TACR3: variants seen among roughly 807,000 people sequenced by gnomAD.
TACR3 encodes the protein neuromedin-K receptor.
TACR3 carries 34 observed loss-of-function variants against 35.0 expected under a neutral mutation model. The ratio of observed to expected loss-of-function variants is 0.97; its 90% CI spans 0.74 to 1.30. TACR3 has a LOEUF of 1.30. Ranked by LOEUF, TACR3 falls within the 50% of genes most tolerant of loss-of-function variation. The probability of loss-of-function intolerance (pLI) is 0.00; values close to 1 mark genes in which losing one functional copy is unlikely to be tolerated. For synonymous variants in TACR3, 233 were observed against 221.1 expected, an observed-to-expected ratio of 1.05 and a Z score of -0.48; for missense variants, 558 against 591.7, an observed-to-expected ratio of 0.94 and a Z score of 0.59.
At position 103,698,382 on chromosome 4, in the gene TACR3, C is replaced by T. The variant is rs183783708; in HGVS notation, c.548+20746G>A. ...CATCTTTTGTTTGATTTCTTCAAAA[C>T]TTTTATTTATGCTCATTTGAAAAGT... On this transcript the variant is annotated intron_variant, in intron 1 of 4. Coordinates refer to ENST00000304883, the MANE Select transcript of TACR3 (RefSeq NM_001059.3). 6.7e-5 allele frequency among the ~76,000 whole-genome samples: 10 copies of T among 150,248 alleles called. No homozygotes were observed. The East Asian group carries it at 1.7e-3, about 26-fold the overall frequency.
At chr4:103,710,387 CAA>C (rs1455421628) in intron 1 of TACR3, among the ~76,000 whole-genome samples, 3 of 152,130 alleles carry the variant, frequency 2.0e-5, no homozygotes, top group East Asian at 3.9e-4. Flanking sequence ...GGAAACTGAA[CAA>C]CGTGCTCCTG....
intron 1 of TACR3, among the ~76,000 whole-genome samples, chr4:103,689,188 G>A (rs1375728658): frequency 2.1e-5 from 3 of 144,538 alleles, no homozygotes; most frequent in Non-Finnish European, 4.5e-5. Context: ...CTCATAGGTG[G>A]GAATTGAACA....
chr4:103,594,899 G>A (rs974596646), intron 3 of TACR3, among the ~76,000 whole-genome samples: 5 of 130,032 alleles, frequency 3.8e-5, no homozygotes, highest in African/African-American at 7.4e-5. Context: ...TATATTTTCT[G>A]TACTTATTTC....
chr4:103,650,679 A>T (rs865794636), intron 3 of TACR3, among the ~76,000 whole-genome samples: 3 of 34,902 alleles, frequency 8.6e-5, no homozygotes, highest in African/African-American at 1.1e-4. Flanking sequence ...AATATATATT[A>T]TATCATATAT....
chr4:103,691,710 G>A (rs1294980928), intron 1 of TACR3, among the ~76,000 whole-genome samples: 1 of 152,266 alleles, frequency 6.6e-6, no homozygotes, highest in Middle Eastern at 3.4e-3. Context: ...GGGAATGAGG[G>A]CAAGGAACAC....
intron 3 of TACR3, among the ~76,000 whole-genome samples, chr4:103,625,045 C>T (rs1026745380): frequency 6.6e-6 from 1 of 152,000 alleles, no homozygotes; most frequent in Admixed American, 6.6e-5. Context: ...CACGCAATTG[C>T]CTCAGAACTG....
intron 1 of TACR3, among the ~76,000 whole-genome samples, chr4:103,704,179 G>A (rs1198140656): frequency 6.6e-6 from 1 of 150,588 alleles, no homozygotes; most frequent in East Asian, 1.9e-4. Context: ...AACATGTAGG[G>A]ATGAGATATT....
chr4:103,663,039 A>C (rs2110332755), intron 1 of TACR3, among the ~76,000 whole-genome samples: 1 of 152,326 alleles, frequency 6.6e-6, no homozygotes, highest in South Asian at 2.1e-4. Context: ...ATACACAGAA[A>C]GTAAAGAGGG....
intron 1 of TACR3, among the ~76,000 whole-genome samples, chr4:103,684,987 T>TTAAATAAA (rs146299787): frequency 0.049 from 6,927 of 142,050 alleles, 193 homozygotes; most frequent in East Asian, 0.12. Flanking sequence ...CATCTCAAAA[T>TTAAATAAA]TAAATAAATA....
At chr4:103,648,385 C>T (rs889866016) in intron 3 of TACR3, among the ~76,000 whole-genome samples, 15 of 151,870 alleles carry the variant, frequency 9.9e-5, no homozygotes, top group Non-Finnish European at 1.9e-4. Context: ...CTTATTCATT[C>T]TTCGAACTAT....
chr4:103,674,877 A>G (rs1726135073), intron 1 of TACR3, among the ~76,000 whole-genome samples: 2 of 152,164 alleles, frequency 1.3e-5, no homozygotes, highest in Non-Finnish European at 1.5e-5. Flanking sequence ...ACTGCAAGGC[A>G]TTAGTTTTTG....
At chr4:103,666,812 C>T (rs1318640147) in intron 1 of TACR3, among the ~76,000 whole-genome samples, 1 of 152,018 alleles carries the variant, frequency 6.6e-6, no homozygotes, top group Non-Finnish European at 1.5e-5. Flanking sequence ...ATTATTTCAC[C>T]CATAAGACAT....
intron 3 of TACR3, among the ~76,000 whole-genome samples, chr4:103,632,741 A>T (rs1228818792): frequency 6.6e-6 from 1 of 152,092 alleles, no homozygotes; most frequent in Non-Finnish European, 1.5e-5. Flanking sequence ...AGAAAGAATA[A>T]ATCAATACAT....
intron 1 of TACR3, among the ~76,000 whole-genome samples, chr4:103,696,583 A>T (rs570819623): frequency 6.6e-6 from 1 of 152,240 alleles, no homozygotes; most frequent in Non-Finnish European, 1.5e-5. Context: ...TATCCTTTGC[A>T]CTTTCAAAGT....
At chr4:103,713,764 A>C (rs1723025097) in intron 1 of TACR3, among the ~76,000 whole-genome samples, 1 of 152,184 alleles carries the variant, frequency 6.6e-6, no homozygotes, top group South Asian at 2.1e-4. Context: ...AAACAGGCCC[A>C]GAACTTAGTA....
chr4:103,666,093 C>G (rs1353440241), intron 1 of TACR3, among the ~76,000 whole-genome samples: 1 of 152,142 alleles, frequency 6.6e-6, no homozygotes, highest in East Asian at 1.9e-4. Flanking sequence ...ACTGGTAGGT[C>G]TAGCTCAACC....
chr4:103,701,756 A>G (rs1722654602), intron 1 of TACR3, among the ~76,000 whole-genome samples: 1 of 152,168 alleles, frequency 6.6e-6, no homozygotes, highest in Admixed American at 6.5e-5. Context: ...CATATCTACA[A>G]CTATCTGATC....
At chr4:103,607,559 G>T (rs1724409628) in intron 3 of TACR3, among the ~76,000 whole-genome samples, 1 of 152,150 alleles carries the variant, frequency 6.6e-6, no homozygotes, top group South Asian at 2.1e-4. Context: ...TGTTTGGAAA[G>T]AATAGCTATT....
At position 103,662,217 on chromosome 4, in the gene TACR3, G is replaced by GGTTTTTTTTTTTTTTT. The variant is rs1553972885; in HGVS notation, c.549-3815_549-3814insAAAAAAAAAAAAAAAC. Among the ~76,000 whole-genome samples the GGTTTTTTTTTTTTTTT allele has an allele frequency of 4.6e-5, 4 of 86,272 alleles. 2 individuals are homozygous for GGTTTTTTTTTTTTTTT. The allele number at this position is 86,272 out of a possible 152,430, so 56.6% of individuals were successfully genotyped here. On this transcript the variant is annotated intron_variant, in intron 1 of 4. Coordinates refer to ENST00000304883, the MANE Select transcript of TACR3 (RefSeq NM_001059.3). ...TGTGAAAAACTCCTATGTTGATGGT[G>GGTTTTTTTTTTTTTTT]TTTTTTTTTTTTTTTTTTTTGAGAC...
Sources: allele counts gnomAD v4.1 joint callset (sites outside exome capture counted in the v4.1 genomes callset), GRCh38; gene constraint gnomAD v4.1.1; transcripts MANE v1.5; gene names NCBI Gene and HGNC (gene_info 2026-07-23, HGNC 2026-07-21).